The following CD209 variants were observed in gnomAD, a reference collection of about 807,000 sequenced individuals.
CD209 encodes CD209 molecule.
A neutral mutation model predicts 44.7 loss-of-function variants in CD209; 31 were observed. The ratio of observed to expected loss-of-function variants is 0.69; its 90% CI spans 0.52 to 0.94. The LOEUF is 0.94. CD209 is among the 40% of genes least tolerant of loss of function. CD209 has a pLI of 0.00. For synonymous variants in CD209, 173 were observed against 181.3 expected (o/e 0.95, Z 0.37); for missense variants, 407 against 452.4 (o/e 0.90, Z 0.91).
intron 2 of CD209, 92 bp downstream of exon 2, chr19:7,747,214 C>T: frequency 2.2e-6 from 3 of 1,341,856 alleles, no homozygotes; most frequent in Non-Finnish European, 3.2e-6. Context: ...ATCCCCAGGA[C>T]CCAAGAGTCC....
chr19:7,746,567 C>T (rs1417890091), intron 2 of CD209, 36 bp from the exon 3 acceptor site: 19 of 1,604,404 alleles, frequency 1.2e-5, no homozygotes, highest in East Asian at 4.5e-5. Context: ...TGCCAGTGTC[C>T]CCACCGGAGC....
Position 7,741,193 on chromosome 19 carries a change from T to C in CD209, c.*1846A>G, listed in dbSNP as rs11465410. ...CGAGTTCAAGAACGTGGGGAGAGAC[T>C]GGGCGCGGTGGCTCAGGCCTGTAAT... is the stretch of plus-strand genomic sequence containing the variant. On this transcript the variant is annotated 3_prime_UTR_variant, in exon 7 of 7. Coordinates refer to ENST00000315599, the MANE Select transcript of CD209 (RefSeq NM_021155.4). The C allele has an allele frequency of 0.048, 39,415 of 821,614 alleles. 1,610 individuals carry two copies. Among genetic ancestry groups the C allele is most frequent in the African/African-American group, 0.16 (9,248 of 58,284 alleles). The allele number at this position is 821,614 out of a possible 1,614,324, so 50.9% of individuals were successfully genotyped here.
intron 4 of CD209, 89 bp from the exon 5 acceptor site, chr19:7,745,181 G>T: frequency 6.5e-7 from 1 of 1,539,170 alleles, no homozygotes; most frequent in Non-Finnish European, 8.9e-7. Context: ...GAGAGTCAGA[G>T]TCCTTCCTTG....
chr19:7,744,299 T>C lies in CD209; in HGVS notation c.901-80A>G, dbSNP rs373863001. 4.4e-5 allele frequency: 49 copies of C among 1,119,454 alleles called. 1 individual carries two copies. In the East Asian group the frequency reaches 5.0e-4, roughly 11 times the overall value. 69.3% of individuals were successfully genotyped at this position (1,119,454 alleles called of 1,614,324 possible). Reference sequence around the variant, plus strand: ...TGTCTCCCCATCTCTTGGTAGGAAGTTCTGCTTGTAGGCTAACCTACAGCC... The same window carrying C: ...TGTCTCCCCATCTCTTGGTAGGAAGCTCTGCTTGTAGGCTAACCTACAGCC... On this transcript the variant is annotated intron_variant, in intron 5 of 6. Transcript: ENST00000315599.
rs2033597407 is a variant in CD209 at position 7,741,145 on chromosome 19, G to A, written c.*1894C>T. On this transcript the variant is annotated 3_prime_UTR_variant, in exon 7 of 7. Transcript: ENST00000315599. ...GGAAGAAACCTACCAACAGTTCCTA[G>A]ATTTCTGTGAGGATGTGCTGCCCGA... 6 of 1,074,132 alleles carry A rather than the reference G, an allele frequency of 5.6e-6. No homozygotes were observed. The highest frequency in any genetic ancestry group is 3.0e-5 in the South Asian group (2 of 65,884). The allele number at this position is 1,074,132 out of a possible 1,614,324, so 66.5% of individuals were successfully genotyped here. A position where few individuals can be genotyped will look rare whatever the true frequency, so the allele number is the denominator to read the frequency against.
intron 4 of CD209, 74 bp from the exon 5 acceptor site, chr19:7,745,166 G>T: frequency 6.4e-7 from 1 of 1,573,652 alleles, no homozygotes; most frequent in Non-Finnish European, 8.7e-7. Context: ...AGCCTTCAAG[G>T]TCTTGAGAGT....
intron 3 of CD209, 144 bp downstream of exon 3, chr19:7,746,316 G>A (rs939409994): frequency 5.7e-5 from 61 of 1,064,744 alleles, no homozygotes; most frequent in Middle Eastern, 4.2e-4. Context: ...GTGGGGAGGG[G>A]CTGTGGGAGA....
In CD209 at chr19:7,741,848, C is replaced by A. The variant is rs1247827203; in HGVS notation, c.*1191G>T. The A allele has an allele frequency of 1.0e-5, 5 of 477,672 alleles. No homozygotes were observed. The East Asian group carries it at 2.0e-4, about 19-fold the overall frequency. 29.6% of individuals were successfully genotyped at this position (477,672 alleles called of 1,614,324 possible). A position where few individuals can be genotyped will look rare whatever the true frequency, so the allele number is the denominator to read the frequency against. ...AGGGGAGAGAGAGGGTGGGCCACCACGATGAATACTACAGGCTGCGGGGAA... is the reference window on the plus strand; with the variant it reads ...AGGGGAGAGAGAGGGTGGGCCACCAAGATGAATACTACAGGCTGCGGGGAA... On this transcript the variant is annotated 3_prime_UTR_variant, in exon 7 of 7. Coordinates refer to ENST00000315599, the MANE Select transcript of CD209 (RefSeq NM_021155.4).
rs773390619 is a variant in CD209, at chr19:7,746,083, G to A, written c.183C>T (p.Ser61=). 2 of 1,613,912 alleles carry A rather than the reference G, an allele frequency of 1.2e-6. No individual in the cohort carries two copies. The highest frequency in any genetic ancestry group is 1.7e-5 in the Admixed American group (1 of 59,964). Reference sequence around the variant, plus strand: ...CCTGACTTATGGAGCTGGGGACCTTGGACACTGGGCCAAGAAAAAAAAGGA... The same window carrying A: ...CCTGACTTATGGAGCTGGGGACCTTAGACACTGGGCCAAGAAAAAAAAGGA... ...TLLAGLLVQV[S]KVPSSISQEQ... is the part of the protein sequence containing the mutation. The change falls in exon 4 of 7, where the codon TCC becomes TCT. Residue 61 remains serine (S), a synonymous_variant. Coordinates refer to ENST00000315599, the MANE Select transcript of CD209 (RefSeq NM_021155.4).
Position 7,745,050 on chromosome 19 carries a change from T to C in CD209, c.791A>G (p.Gln264Arg). The C allele has an allele frequency of 6.2e-7, 1 of 1,614,224 alleles. No homozygotes were observed. ...GTTAGACATGAAGTAACAGTTTCCT[T>C]GGAAGAATGTCCATTCCCAGGGACA... ...HPCPWEWTFF[Q>R]GNCYFMSNSQ... The change falls in exon 5 of 7, where the codon CAA becomes CGA. Residue 264 changes from glutamine (Q) to arginine (R), a missense_variant. Physicochemically the swap from Gln to Arg is conservative, Grantham distance 43. Around this residue, in one of 3 missense-constraint regions of CD209, gnomAD observed 200 missense variants for 202.2 expected, o/e 0.99. Coordinates refer to ENST00000315599, the MANE Select transcript of CD209 (RefSeq NM_021155.4).
chr19:7,743,621 A>G (rs968469037), intron 6 of CD209, among the ~76,000 whole-genome samples: 2 of 152,028 alleles, frequency 1.3e-5, no homozygotes, highest in African/African-American at 4.8e-5. Flanking sequence ...AATGCTTCAC[A>G]CTTCCCAATC....
Position 7,740,910 on chromosome 19 carries a change from C to T in CD209, c.*2129G>A, listed in dbSNP as rs957850789. ...TGGCGCCACATGGCAAAACCCGGAA[C>T]CCCCCCTTGGATTTCAGAGTCATGG... On this transcript the variant is annotated 3_prime_UTR_variant, in exon 7 of 7. Transcript: ENST00000315599. 8 of 730,258 alleles carry T rather than the reference C, an allele frequency of 1.1e-5. No individual in the cohort carries two copies. The highest frequency in any genetic ancestry group is 4.0e-5 in the Admixed American group (2 of 49,670). The allele number at this position is 730,258 out of a possible 1,614,324, so 45.2% of individuals were successfully genotyped here.
Position 7,741,754 on chromosome 19 carries a change from C to T in CD209, c.*1285G>A. 1 of 560,582 alleles carries T rather than the reference C, an allele frequency of 1.8e-6. No homozygotes were observed. The highest frequency in any genetic ancestry group is 3.5e-6 in the Non-Finnish European group (1 of 288,896). The allele number at this position is 560,582 out of a possible 1,614,324, so 34.7% of individuals were successfully genotyped here. ...AACAATGTCCAAGAGGAAAACACTG[C>T]AACTTTCTTCAGGTGTTGAGAAATC... On this transcript the variant is annotated 3_prime_UTR_variant, in exon 7 of 7. Transcript: ENST00000315599.
intron 4 of CD209, 114 bp downstream of exon 4, chr19:7,745,404 G>T: frequency 6.3e-7 from 1 of 1,581,744 alleles, no homozygotes; most frequent in Non-Finnish European, 8.6e-7. Flanking sequence ...CAGTTACCCT[G>T]TGTTCTCATT....
chr19:7,744,980 C>T lies in CD209; in HGVS notation c.861G>A (p.Val287=), dbSNP rs1486812538. 1.2e-6 allele frequency: 2 copies of T among 1,614,126 alleles called. No homozygotes were observed. The highest frequency in any genetic ancestry group is 2.2e-5 in the East Asian group (1 of 44,902). The change falls in exon 5 of 7, where the codon GTG becomes GTA. Residue 287 remains valine, a synonymous_variant. Coordinates refer to ENST00000315599, the MANE Select transcript of CD209 (RefSeq NM_021155.4). ...WHDSITACKE[V]GAQLVVIKSA... Reference sequence around the variant, plus strand: ...TTTTGATTACGACGAGCTGGGCCCCCACTTCTTTGCAGGCGGTGATGGAGT... The same window carrying T: ...TTTTGATTACGACGAGCTGGGCCCCTACTTCTTTGCAGGCGGTGATGGAGT...
chr19:7,744,049 C>G (rs2033712527), intron 6 of CD209, 58 bp downstream of exon 6: 1 of 1,391,354 alleles, frequency 7.2e-7, no homozygotes, highest in South Asian at 1.2e-5. Flanking sequence ...AGGGAAAGTT[C>G]AAATCAGAGT....
Position 7,741,338 on chromosome 19 carries a change from T to C in CD209, c.*1701A>G, listed in dbSNP as rs1489807926. 3.7e-6 allele frequency: 1 copy of C among 270,852 alleles called. No homozygotes were observed. The highest frequency in any genetic ancestry group is 7.5e-5 in the Admixed American group (1 of 13,390). 16.8% of individuals were successfully genotyped at this position (270,852 alleles called of 1,614,324 possible). On this transcript the variant is annotated 3_prime_UTR_variant, in exon 7 of 7. Coordinates refer to ENST00000315599, the MANE Select transcript of CD209 (RefSeq NM_021155.4). The stretch of plus-strand genomic sequence containing the variant: ...TACAAGAATTAGCTGGGCGCAGTGG[T>C]GCACGCCCAGCTAATTTTTGTACTT...
chr19:7,747,022 T>C (rs1411181762), intron 2 of CD209, among the ~76,000 whole-genome samples: 73 of 91,070 alleles, frequency 8.0e-4, no homozygotes, highest in African/African-American at 1.2e-3. Context: ...CCCCCACCTC[T>C]CCAGGACCCA....
At chr19:7,743,277 G>A (rs11465391) in intron 6 of CD209, 37 bp from the exon 7 acceptor site, 13 of 1,558,296 alleles carry the variant, frequency 8.3e-6, no homozygotes, top group African/African-American at 6.8e-5. Flanking sequence ...CTCTGTCCCC[G>A]CCAGCTACAT....
Sources: gnomAD v4.1 joint callset for allele counts (sites outside exome capture counted in the v4.1 genomes callset) on GRCh38, gnomAD v4.1.1 for gene constraint, gnomAD v4.1.1 regional missense constraint, MANE v1.5 for transcripts, NCBI Gene and HGNC (gene_info 2026-07-23, HGNC 2026-07-21) for gene names.